Variants in RNGTT observed in about 807,000 individuals in gnomAD.
RNGTT encodes mRNA-capping enzyme.
A neutral mutation model predicts 79.3 loss-of-function variants in RNGTT; 33 were observed. The ratio of observed to expected loss-of-function variants is 0.42; its 90% confidence interval spans 0.32 to 0.56. RNGTT has a LOEUF of 0.56. RNGTT is among the 20% of genes least tolerant of loss of function. The pLI is 0.17. For synonymous variants in RNGTT, 222 were observed against 235.9 expected, an observed-to-expected ratio of 0.94 and a Z score of 0.54; for missense variants, 497 against 739.1, an observed-to-expected ratio of 0.67 and a Z score of 3.80.
rs58845645 is a variant in RNGTT, at chr6:88,672,202, CATAT to C, written c.1506+6147_1506+6150del. Among the ~76,000 whole-genome samples the C allele has an allele frequency of 1.1e-3, 149 of 135,452 alleles. 1 individual carries two copies. Among genetic ancestry groups the C allele is most frequent in the African/African-American group, 3.2e-3 (130 of 40,004 alleles). 88.9% of individuals were successfully genotyped at this position (135,452 alleles called of 152,430 possible). On this transcript the variant is annotated intron_variant, in intron 14 of 15. Transcript: ENST00000369485. Reference sequence around the variant, plus strand: ...CACAGAGTAGGAGAAAATGTATATACATATATATATATATATACACACACACACA... The same window carrying C: ...CACAGAGTAGGAGAAAATGTATATACATATATATATATACACACACACACA...
chr6:88,723,061 C>G (rs1367745150), intron 13 of RNGTT, among the ~76,000 whole-genome samples: 1 of 152,132 alleles, frequency 6.6e-6, no homozygotes, highest in Admixed American at 6.5e-5. Flanking sequence ...TATTTAACAG[C>G]AACAACAAAA....
chr6:88,890,298 T>C (rs1342165025), intron 8 of RNGTT, among the ~76,000 whole-genome samples, 197 bp downstream of exon 8: 1 of 152,182 alleles, frequency 6.6e-6, no homozygotes, highest in Non-Finnish European at 1.5e-5. Context: ...AAACCAAAAA[T>C]TTAGCAGAAT....
intron 14 of RNGTT, among the ~76,000 whole-genome samples, chr6:88,617,326 T>C (rs182507429): frequency 4.5e-4 from 68 of 152,322 alleles, no homozygotes; most frequent in Non-Finnish European, 6.3e-4. Context: ...TAAGGTCTTA[T>C]GTTTTGGTCT....
intron 1 of RNGTT, among the ~76,000 whole-genome samples, chr6:88,952,351 A>G (rs1785279742): frequency 6.6e-6 from 1 of 152,146 alleles, no homozygotes; most frequent in African/African-American, 2.4e-5. Flanking sequence ...GTTGCTGAAC[A>G]CAAAAGACAG....
At chr6:88,905,610 T>C (rs1243904394) in intron 5 of RNGTT, among the ~76,000 whole-genome samples, 2 of 152,214 alleles carry the variant, frequency 1.3e-5, no homozygotes, top group Non-Finnish European at 1.5e-5. Flanking sequence ...TATATTCTCT[T>C]AAGAATATTG....
At chr6:88,697,071 T>C (rs1582344039) in intron 13 of RNGTT, among the ~76,000 whole-genome samples, 1 of 152,188 alleles carries the variant, frequency 6.6e-6, no homozygotes, top group Non-Finnish European at 1.5e-5. Context: ...AAAAGAATTA[T>C]GGCAATTCTA....
In RNGTT at chr6:88,862,667, G is replaced by C. The variant is rs553669368; in HGVS notation, c.897-8903C>G. Among the ~76,000 whole-genome samples the C allele has an allele frequency of 3.3e-5, 5 of 152,288 alleles. No homozygotes were observed. In the South Asian group the frequency reaches 1.0e-3, roughly 32 times the overall value. On this transcript the variant is annotated intron_variant, in intron 8 of 15. Transcript: ENST00000369485. ...TAAGACTTGCAACTGTGTCTGAAGA[G>C]GGGGCAGTCTTGAGGACTTTACCTT...
intron 8 of RNGTT, among the ~76,000 whole-genome samples, chr6:88,865,575 A>T (rs1016894437): frequency 2.0e-5 from 3 of 152,130 alleles, no homozygotes; most frequent in African/African-American, 7.2e-5. Flanking sequence ...AACTATAGTA[A>T]AATAGTTCCT....
chr6:88,664,396 G>A (rs1179864148), intron 14 of RNGTT, among the ~76,000 whole-genome samples: 1 of 152,184 alleles, frequency 6.6e-6, no homozygotes, highest in African/African-American at 2.4e-5. Flanking sequence ...TTAGGAGAAA[G>A]CTGAAGAAAC....
At chr6:88,913,617 A>G (rs1205563409) in intron 4 of RNGTT, among the ~76,000 whole-genome samples, 1 of 152,216 alleles carries the variant, frequency 6.6e-6, no homozygotes, top group Non-Finnish European at 1.5e-5. Context: ...CCACATGATC[A>G]TCTCAATGGC....
At chr6:88,900,211 C>T (rs1783402885) in intron 6 of RNGTT, among the ~76,000 whole-genome samples, 3 of 150,546 alleles carry the variant, frequency 2.0e-5, no homozygotes, top group South Asian at 4.2e-4. Flanking sequence ...CACAGGAGAC[C>T]GACATATTAG....
At chr6:88,726,741 T>C (rs1019281861) in intron 13 of RNGTT, among the ~76,000 whole-genome samples, 1 of 152,192 alleles carries the variant, frequency 6.6e-6, no homozygotes, top group Non-Finnish European at 1.5e-5. Context: ...AGCCAAGCCT[T>C]AAAGTACTAC....
intron 13 of RNGTT, among the ~76,000 whole-genome samples, chr6:88,729,752 C>T (rs963504904): frequency 6.6e-6 from 1 of 152,036 alleles, no homozygotes; most frequent in Non-Finnish European, 1.5e-5. Flanking sequence ...AATGTTATAC[C>T]GTCATCCCAA....
chr6:88,751,262 G>A (rs1224607583), intron 13 of RNGTT, among the ~76,000 whole-genome samples: 3 of 152,084 alleles, frequency 2.0e-5, no homozygotes, highest in Non-Finnish European at 4.4e-5. Context: ...TTGAGACCAT[G>A]TGATATGGTC....
At chr6:88,795,404 C>A (rs892649587) in intron 12 of RNGTT, among the ~76,000 whole-genome samples, 1 of 152,068 alleles carries the variant, frequency 6.6e-6, no homozygotes, top group African/African-American at 2.4e-5. Flanking sequence ...GAATAGAACA[C>A]GTTTAATAAC....
intron 1 of RNGTT, 106 bp from the exon 2 acceptor site, chr6:88,941,286 G>A: frequency 2.8e-6 from 2 of 713,254 alleles, no homozygotes; most frequent in Non-Finnish European, 4.7e-6. Context: ...CTTTTTTTTT[G>A]AGACCAAGTG....
At chr6:88,644,000 A>T (rs1773428830) in intron 14 of RNGTT, among the ~76,000 whole-genome samples, 1 of 152,186 alleles carries the variant, frequency 6.6e-6, no homozygotes, top group Non-Finnish European at 1.5e-5. Context: ...AATAAGTAAG[A>T]TCAGAGCAGA....
At chr6:88,962,487 T>A (rs1472419220) in intron 1 of RNGTT, among the ~76,000 whole-genome samples, 1 of 151,498 alleles carries the variant, frequency 6.6e-6, no homozygotes, top group Non-Finnish European at 1.5e-5. Flanking sequence ...AACAAAAAAA[T>A]TATGGCCAGG....
chr6:88,929,440 A>T (rs1394056390), intron 2 of RNGTT, among the ~76,000 whole-genome samples, 173 bp from the exon 3 acceptor site: 3 of 152,198 alleles, frequency 2.0e-5, no homozygotes, highest in Non-Finnish European at 2.9e-5. Flanking sequence ...GTCTTATTCA[A>T]GACACTAAAA....
Sources: gnomAD v4.1 joint callset for allele counts (sites outside exome capture counted in the v4.1 genomes callset) on GRCh38, gnomAD v4.1.1 for gene constraint, MANE v1.5 for transcripts, NCBI Gene and HGNC (gene_info 2026-07-23, HGNC 2026-07-21) for gene names.